Variants in PLPPR1 observed in about 807,000 individuals in gnomAD.
PLPPR1 encodes phospholipid phosphatase related 1.
PLPPR1 carries 10 observed loss-of-function variants against 33.1 expected under a neutral mutation model. The ratio of observed to expected loss-of-function variants is 0.30; its 90% CI spans 0.19 to 0.51. The LOEUF (loss-of-function observed/expected upper bound fraction) is 0.51. Among genes scored for constraint, PLPPR1 ranks in the 20% least tolerant of loss-of-function variants. The pLI is 0.97. For missense variants in PLPPR1, 304 were observed against 408.1 expected, an observed-to-expected ratio of 0.74 and a Z score of 2.20; for synonymous variants, 151 against 151.0, an observed-to-expected ratio of 1.00 and a Z score of 0.00.
intron 1 of PLPPR1, among the ~76,000 whole-genome samples, chr9:101,171,724 C>T (rs901950967): frequency 1.3e-5 from 2 of 152,140 alleles, no homozygotes; most frequent in African/African-American, 4.8e-5. Context: ...TGTTCCTATC[C>T]CTTAATGTCT....
chr9:101,180,114 A>C (rs1361245220), intron 1 of PLPPR1, among the ~76,000 whole-genome samples: 6 of 22,446 alleles, frequency 2.7e-4, no homozygotes, highest in African/African-American at 1.3e-3. Context: ...ATATATATAT[A>C]TATATATATA....
At chr9:101,118,637 T>C (rs2118589478) in intron 1 of PLPPR1, among the ~76,000 whole-genome samples, 1 of 152,326 alleles carries the variant, frequency 6.6e-6, no homozygotes, top group Non-Finnish European at 1.5e-5. Flanking sequence ...GAGCCTACTT[T>C]AGATCATGCT....
Position 101,309,859 on chromosome 9 carries a change from C to T in PLPPR1, c.636+398C>T, listed in dbSNP as rs572933945. Among the ~76,000 whole-genome samples, 4 of 152,216 alleles carry T rather than the reference C, an allele frequency of 2.6e-5. No individual in the cohort carries two copies. The East Asian group carries it at 7.7e-4, about 29-fold the overall frequency. ...TTTCGTTGGTTTCGGAACAGCACAC[C>T]TTCTCACACCTGCCTAGAAATTTGC... On this transcript the variant is annotated intron_variant, in intron 5 of 7. Transcript: ENST00000374874.
intron 1 of PLPPR1, among the ~76,000 whole-genome samples, chr9:101,110,072 T>C (rs554043396): frequency 1.3e-5 from 2 of 152,322 alleles, no homozygotes; most frequent in African/African-American, 4.8e-5. Flanking sequence ...AATTATCATC[T>C]TCAAAAGCAA....
At chr9:101,195,653 AG>A (rs1237755115) in intron 2 of PLPPR1, among the ~76,000 whole-genome samples, 1 of 152,102 alleles carries the variant, frequency 6.6e-6, no homozygotes, top group African/African-American at 2.4e-5. Context: ...TGACAGTCCT[AG>A]TGACAACCAT....
rs116289402 is a variant in PLPPR1 at position 101,159,958 on chromosome 9, T to C, written c.-45-25492T>C. ...CAAAGAGGATTTATTTTGCTTTTTGTGACATGATGGTGCTAGAACAAAATG... is the reference window on the plus strand; with the variant it reads ...CAAAGAGGATTTATTTTGCTTTTTGCGACATGATGGTGCTAGAACAAAATG... On this transcript the variant is annotated intron_variant, in intron 1 of 7. Coordinates refer to ENST00000374874, the MANE Select transcript of PLPPR1 (RefSeq NM_207299.2). Among the ~76,000 whole-genome samples, 906 of 152,282 alleles carry C rather than the reference T, an allele frequency of 5.9e-3. 6 individuals are homozygous for C. Among genetic ancestry groups the C allele is most frequent in the African/African-American group, 0.019 (775 of 41,564 alleles).
At chr9:101,102,149 T>A (rs1052136397) in intron 1 of PLPPR1, among the ~76,000 whole-genome samples, 26 of 121,668 alleles carry the variant, frequency 2.1e-4, no homozygotes, top group East Asian at 5.9e-4. Flanking sequence ...TTTTTTTTTT[T>A]ATTTTATTAT....
At chr9:101,286,339 A>G (rs1828395017) in intron 4 of PLPPR1, 103 bp downstream of exon 4, 1 of 1,139,096 alleles carries the variant, frequency 8.8e-7, no homozygotes, top group East Asian at 2.5e-5. Context: ...ATTAAAAGCA[A>G]GGGCTGCTTT....
chr9:101,315,949 G>A (rs937017410), intron 6 of PLPPR1, among the ~76,000 whole-genome samples: 16 of 152,360 alleles, frequency 1.1e-4, no homozygotes, highest in Non-Finnish European at 1.8e-4. Flanking sequence ...ACCACATGCT[G>A]TATGCTTTAT....
At chr9:101,126,170 C>CTCCT (rs769996331) in intron 1 of PLPPR1, among the ~76,000 whole-genome samples, 19 of 152,198 alleles carry the variant, frequency 1.2e-4, no homozygotes, top group Non-Finnish European at 2.4e-4. Flanking sequence ...CTACCAAAGC[C>CTCCT]TCCTGTTCTT....
At chr9:101,196,898 C>T (rs7038117) in intron 2 of PLPPR1, among the ~76,000 whole-genome samples, 56,765 of 151,844 alleles carry the variant, frequency 0.37, 11,270 homozygotes, top group Middle Eastern at 0.44. Context: ...GATTTAGCCT[C>T]GTGAGGAAAT....
intron 1 of PLPPR1, among the ~76,000 whole-genome samples, chr9:101,060,175 T>G (rs913060570): frequency 6.6e-6 from 1 of 152,006 alleles, no homozygotes; most frequent in Non-Finnish European, 1.5e-5. Flanking sequence ...CGCAACAAGA[T>G]GGATGAACCT....
intron 2 of PLPPR1, among the ~76,000 whole-genome samples, chr9:101,232,198 G>A (rs910650695): frequency 6.6e-6 from 1 of 151,892 alleles, no homozygotes; most frequent in Non-Finnish European, 1.5e-5. Context: ...TAATGTCTTC[G>A]AAAGTAAACA....
chr9:101,112,419 A>G (rs895026574), intron 1 of PLPPR1, among the ~76,000 whole-genome samples: 7 of 152,174 alleles, frequency 4.6e-5, no homozygotes, highest in Non-Finnish European at 1.0e-4. Context: ...AGAGGATACA[A>G]TTTTTGATTT....
intron 1 of PLPPR1, among the ~76,000 whole-genome samples, chr9:101,058,653 T>G (rs1187027330): frequency 1.3e-5 from 2 of 152,134 alleles, no homozygotes; most frequent in Non-Finnish European, 2.9e-5. Context: ...AGCATAACAT[T>G]TAAATTATTT....
chr9:101,227,728 C>A (rs1827100427), intron 2 of PLPPR1, among the ~76,000 whole-genome samples: 1 of 152,090 alleles, frequency 6.6e-6, no homozygotes, highest in Non-Finnish European at 1.5e-5. Flanking sequence ...AACAGGAGAA[C>A]CCACAGTTAT....
At chr9:101,311,532 G>A (rs1828955895) in intron 5 of PLPPR1, among the ~76,000 whole-genome samples, 1 of 152,072 alleles carries the variant, frequency 6.6e-6, no homozygotes. Flanking sequence ...AAACATAATA[G>A]CATGAACAAC....
intron 2 of PLPPR1, among the ~76,000 whole-genome samples, chr9:101,250,374 G>A (rs1218111428): frequency 6.6e-6 from 1 of 152,038 alleles, no homozygotes; most frequent in Non-Finnish European, 1.5e-5. Context: ...CAAAGTATGA[G>A]TTGCTCTATG....
At chr9:101,160,222 A>G (rs529969170) in intron 1 of PLPPR1, among the ~76,000 whole-genome samples, 3 of 152,142 alleles carry the variant, frequency 2.0e-5, no homozygotes, top group Non-Finnish European at 2.9e-5. Flanking sequence ...GTGTCTGAGG[A>G]CTTGGTTGGA....
Sources: gnomAD v4.1 joint callset for allele counts (sites outside exome capture counted in the v4.1 genomes callset) on GRCh38, gnomAD v4.1.1 for gene constraint, MANE v1.5 for transcripts, NCBI Gene and HGNC (gene_info 2026-07-23, HGNC 2026-07-21) for gene names.